Variants in CSMD1 observed in about 807,000 individuals in gnomAD.
CSMD1 encodes the protein CUB and sushi domain-containing protein 1.
In CSMD1, 213 loss-of-function variants were observed where a neutral mutation model predicts 417.5. The observed-to-expected ratio is 0.51, with a 90% CI of 0.46 to 0.57. The LOEUF is 0.57. Ranked by LOEUF, CSMD1 falls within the 20% of genes least tolerant of loss-of-function variation. The pLI is 0.00. For synonymous variants in CSMD1, 2,862 were observed against 1,736.8 expected, an observed-to-expected ratio of 1.65 and a Z score of -16.11; for missense variants, 6,923 against 4,529.7, an observed-to-expected ratio of 1.53 and a Z score of -15.17.
intron 9 of CSMD1, among the ~76,000 whole-genome samples, chr8:3,582,603 C>T (rs1206871967): frequency 6.6e-6 from 1 of 152,168 alleles, no homozygotes; most frequent in Non-Finnish European, 1.5e-5. Context: ...CTGCTAGCCA[C>T]ACGTGGCTAC....
intron 30 of CSMD1, among the ~76,000 whole-genome samples, chr8:3,212,106 T>A (rs147265272): frequency 2.0e-5 from 3 of 152,110 alleles, no homozygotes; most frequent in Non-Finnish European, 4.4e-5. Context: ...GATCAAAGGC[T>A]CTCTTTACCT....
chr8:4,114,734 C>G (rs1392893606), intron 3 of CSMD1, among the ~76,000 whole-genome samples: 1 of 152,080 alleles, frequency 6.6e-6, no homozygotes, highest in Non-Finnish European at 1.5e-5. Context: ...GAAGTTGATT[C>G]CAACACTTTA....
At chr8:3,735,977 T>C (rs953927014) in intron 6 of CSMD1, among the ~76,000 whole-genome samples, 7 of 151,984 alleles carry the variant, frequency 4.6e-5, no homozygotes, top group African/African-American at 1.7e-4. Context: ...ATGGGTAAAA[T>C]ACATGGTTTT....
rs1413816704 is a variant in CSMD1, at chr8:3,673,435, CT to C, written c.1009+34978del. ...ACGTAGCATCAACTCCCCTTGGTCT[CT>C]GGGTACAATGTGGCCCTGACTTATG... On this transcript the variant is annotated intron_variant, in intron 7 of 69. Coordinates refer to ENST00000635120, the MANE Select transcript of CSMD1 (RefSeq NM_033225.6). Among the ~76,000 whole-genome samples the C allele has an allele frequency of 2.0e-5, 3 of 152,230 alleles. No individual in the cohort carries two copies. In the East Asian group the frequency reaches 5.8e-4, roughly 29 times the overall value.
chr8:3,147,791 A>AAACAAT (rs1818930946), intron 40 of CSMD1, among the ~76,000 whole-genome samples: 1 of 152,216 alleles, frequency 6.6e-6, no homozygotes, highest in Non-Finnish European at 1.5e-5. Flanking sequence ...TGTTTAACAC[A>AAACAAT]GTTTCCCAAA....
intron 3 of CSMD1, among the ~76,000 whole-genome samples, chr8:4,209,196 C>T (rs181736808): frequency 1.3e-3 from 200 of 152,226 alleles, no homozygotes; most frequent in Middle Eastern, 3.4e-3. Context: ...GTGGCTTTAT[C>T]GCTCACCTTT....
Position 2,974,588 on chromosome 8 carries a change from G to A in CSMD1, c.8603C>T (p.Ala2868Val). The A allele has an allele frequency of 6.2e-7, 1 of 1,611,368 alleles. No homozygotes were observed. The highest frequency in any genetic ancestry group is 8.5e-7 in the Non-Finnish European group (1 of 1,178,732). ...SCGHPGVPAN[A>V]VLTGELFTYG... ...GGTAAACAGCTCTCCAGTGAGGACG[G>A]CGTTGGCAGGGACCCCTGGGTGTCC... The change falls in exon 56 of 70, where the codon GCC becomes GTC. Residue 2868 changes from alanine to valine, a missense_variant. Coordinates refer to ENST00000635120, the MANE Select transcript of CSMD1 (RefSeq NM_033225.6).
rs1024789671 is a variant in CSMD1 at position 3,409,625 on chromosome 8, T to G, written c.1562-20A>C. ...CAATTTCTGAAAATGGAAAAACAAA[T>G]GAACCCTTAAAAAAACACACACAAG... On this transcript the variant is annotated intron_variant, in intron 12 of 69. Coordinates refer to ENST00000635120, the MANE Select transcript of CSMD1 (RefSeq NM_033225.6). The G allele has an allele frequency of 1.3e-6, 2 of 1,542,474 alleles. No individual in the cohort carries two copies. The highest frequency in any genetic ancestry group is 1.8e-6 in the Non-Finnish European group (2 of 1,136,782).
intron 2 of CSMD1, among the ~76,000 whole-genome samples, chr8:4,540,322 A>G (rs551900276): frequency 1.3e-5 from 2 of 152,286 alleles, no homozygotes; most frequent in Non-Finnish European, 2.9e-5. Flanking sequence ...CCACTAAAAA[A>G]CTTTTCCATG....
intron 3 of CSMD1, among the ~76,000 whole-genome samples, chr8:4,390,040 C>G (rs984947617): frequency 6.6e-6 from 1 of 152,148 alleles, no homozygotes; most frequent in Non-Finnish European, 1.5e-5. Context: ...AATTGCTATA[C>G]TAATTTACAT....
chr8:4,442,325 TAGA>T (rs1041403218), intron 2 of CSMD1, among the ~76,000 whole-genome samples: 7 of 152,256 alleles, frequency 4.6e-5, no homozygotes, highest in African/African-American at 1.7e-4. Flanking sequence ...AAGTATAAAG[TAGA>T]AGTTCTCCTT....
intron 2 of CSMD1, among the ~76,000 whole-genome samples, chr8:4,607,376 G>A (rs887158753): frequency 1.3e-4 from 20 of 152,106 alleles, no homozygotes; most frequent in African/African-American, 4.6e-4. Context: ...GGAATAATAC[G>A]GAGTAGTTGC....
intron 3 of CSMD1, among the ~76,000 whole-genome samples, chr8:4,194,149 A>C (rs939160089): frequency 6.6e-6 from 1 of 152,200 alleles, no homozygotes; most frequent in African/African-American, 2.4e-5. Context: ...ATGACCAAGA[A>C]AACAATTAAA....
chr8:3,801,778 C>T (rs1289649534), intron 5 of CSMD1, among the ~76,000 whole-genome samples: 1 of 152,094 alleles, frequency 6.6e-6, no homozygotes, highest in African/African-American at 2.4e-5. Context: ...CATTCAGTAG[C>T]ATTTTACGGG....
intron 5 of CSMD1, among the ~76,000 whole-genome samples, chr8:3,812,695 C>T (rs1585035234): frequency 6.6e-6 from 1 of 152,200 alleles, no homozygotes; most frequent in Non-Finnish European, 1.5e-5. Context: ...CAAATGACAA[C>T]ATGAGCTGTT....
At chr8:4,900,835 A>G (rs187034647) in intron 1 of CSMD1, among the ~76,000 whole-genome samples, 2 of 152,252 alleles carry the variant, frequency 1.3e-5, no homozygotes, top group East Asian at 3.9e-4. Flanking sequence ...TCACGGCTCT[A>G]ATTTCTGTCC....
chr8:4,291,023 G>T (rs1003158916), intron 3 of CSMD1, among the ~76,000 whole-genome samples: 1 of 152,014 alleles, frequency 6.6e-6, no homozygotes, highest in African/African-American at 2.4e-5. Context: ...GTCAAAATAA[G>T]ATCTTCTTTG....
intron 41 of CSMD1, among the ~76,000 whole-genome samples, chr8:3,136,238 C>A (rs1191604693): frequency 6.6e-6 from 1 of 151,364 alleles, no homozygotes; most frequent in African/African-American, 2.4e-5. Flanking sequence ...AGAGGACAAC[C>A]AAGCCTTTTT....
At chr8:3,983,585 A>C (rs998247368) in intron 5 of CSMD1, among the ~76,000 whole-genome samples, 1 of 152,194 alleles carries the variant, frequency 6.6e-6, no homozygotes, top group Non-Finnish European at 1.5e-5. Flanking sequence ...TGATGTTTCT[A>C]TTTTATTTTT....
Sources: allele counts gnomAD v4.1 joint callset (sites outside exome capture counted in the v4.1 genomes callset), GRCh38; gene constraint gnomAD v4.1.1; transcripts MANE v1.5; gene names NCBI Gene and HGNC (gene_info 2026-07-23, HGNC 2026-07-21).